The following HGS variants were observed in gnomAD, a reference collection of about 807,000 sequenced individuals.
HGS encodes the protein hepatocyte growth factor-regulated tyrosine kinase substrate.
In HGS, 63 loss-of-function variants were observed where a neutral mutation model predicts 109.7. The ratio of observed to expected loss-of-function variants is 0.57; its 90% confidence interval spans 0.47 to 0.71. The LOEUF is 0.71. Ranked by LOEUF, HGS falls within the 30% of genes least tolerant of loss-of-function variation. The probability of loss-of-function intolerance (pLI) is 0.00; values close to 1 mark genes in which losing one functional copy is unlikely to be tolerated. For synonymous variants in HGS, 546 were observed against 437.3 expected (o/e 1.25, Z -3.10); for missense variants, 995 against 1,068.3 (o/e 0.93, Z 0.96).
chr17:81,700,271 A>G (rs1482577997), intron 18 of HGS, among the ~76,000 whole-genome samples, 196 bp from the exon 19 acceptor site: 2 of 150,700 alleles, frequency 1.3e-5, no homozygotes, highest in Non-Finnish European at 3.0e-5. Flanking sequence ...CGGGAGGCTG[A>G]GGCAGGAGAA....
At chr17:81,686,556 A>G (rs1229359767) in intron 3 of HGS, among the ~76,000 whole-genome samples, 169 bp downstream of exon 3, 1 of 152,060 alleles carries the variant, frequency 6.6e-6, no homozygotes, top group Admixed American at 6.6e-5. Context: ...CACCTAGGAG[A>G]GGGTCACGCT....
intron 18 of HGS, among the ~76,000 whole-genome samples, chr17:81,699,513 C>T (rs980358193): frequency 6.6e-6 from 1 of 152,224 alleles, no homozygotes; most frequent in African/African-American, 2.4e-5. Flanking sequence ...GCATTCTCCG[C>T]CTCCCAGGTT....
rs763719282 is a variant in HGS, at chr17:81,693,931, C to T, written c.902C>T (p.Ala301Val). ...KAEPMPSASS[A>V]PPASSLYSSP... ...GAGCCCATGCCCTCGGCCTCCTCAG[C>T]GCCCCCCGCCAGCAGCCTGTACTCT... Residue 301 changes from alanine to valine, a missense_variant, in exon 11 of 22, where the codon GCG becomes GTG. Physicochemically the swap from Ala to Val is moderately conservative, Grantham distance 64. Around this residue, in one of 6 missense-constraint regions of HGS, gnomAD observed 300 missense variants for 235.4 expected, o/e 1.27. Coordinates refer to ENST00000329138, the MANE Select transcript of HGS (RefSeq NM_004712.5). 1.6e-5 allele frequency: 26 copies of T among 1,611,114 alleles called. No homozygotes were observed. The highest frequency in any genetic ancestry group is 4.0e-5 in the African/African-American group (3 of 74,904).
chr17:81,685,759 C>A, intron 2 of HGS, 70 bp downstream of exon 2: 1 of 1,186,876 alleles, frequency 8.4e-7, no homozygotes, highest in Non-Finnish European at 1.2e-6. Flanking sequence ...GCTTGGTGCC[C>A]GTTGGGTCTC....
intron 15 of HGS, 123 bp downstream of exon 15, chr17:81,696,122 C>T (rs978556006): frequency 4.1e-6 from 4 of 976,166 alleles, no homozygotes; most frequent in South Asian, 3.4e-5. Context: ...GCCGTGGCTT[C>T]CTCCAGAGAG....
chr17:81,685,003 C>T, intron 1 of HGS: 1 of 985,376 alleles, frequency 1.0e-6, no homozygotes, highest in Non-Finnish European at 1.2e-6. Context: ...GCGATGTGGG[C>T]AGAGCTGGAG....
chr17:81,686,074 G>A (rs112416031), intron 2 of HGS, among the ~76,000 whole-genome samples: 1 of 152,186 alleles, frequency 6.6e-6, no homozygotes, highest in African/African-American at 2.4e-5. Context: ...GGGACTACAG[G>A]CATTCACCAT....
intron 17 of HGS, 38 bp downstream of exon 17, chr17:81,696,785 CT>C: frequency 6.2e-7 from 1 of 1,602,122 alleles, no homozygotes. Flanking sequence ...GGCTTGTGGG[CT>C]GAGGACCAAC....
intron 18 of HGS, among the ~76,000 whole-genome samples, chr17:81,699,856 C>G (rs982618538): frequency 2.0e-5 from 3 of 151,172 alleles, no homozygotes. Context: ...GGGTGGATCA[C>G]CTGAGGTCAG....
intron 13 of HGS, 47 bp downstream of exon 13, chr17:81,695,114 G>C: frequency 6.2e-7 from 1 of 1,613,120 alleles, no homozygotes. Context: ...TCCCTTGGAA[G>C]GGGTGGATGC....
At position 81,688,780 on chromosome 17, in the gene HGS, C is replaced by T; in HGVS notation, c.368C>T (p.Pro123Leu). The T allele has an allele frequency of 6.2e-7, 1 of 1,614,146 alleles. No individual in the cohort carries two copies. Among genetic ancestry groups the T allele is most frequent in the Non-Finnish European group, 8.5e-7 (1 of 1,180,012 alleles). The part of the protein sequence containing the change: ...QAWAHAFRNE[P>L]KYKVVQDTYQ... ...TGGGCGCATGCCTTCCGGAACGAGC[C>T]CAAGTACAAGGTGGTCCAGGACACC... The change falls in exon 5 of 22, where the codon CCC becomes CTC. Residue 123 changes from proline (P) to leucine (L), a missense_variant. This residue lies in a region of HGS where 182 missense variants were observed against 261.3 expected (regional missense o/e 0.70). Coordinates refer to ENST00000329138, the MANE Select transcript of HGS (RefSeq NM_004712.5).
At chr17:81,693,622 C>T (rs768516935) in intron 9 of HGS, 32 bp from the exon 10 acceptor site, 6 of 1,527,956 alleles carry the variant, frequency 3.9e-6, no homozygotes, top group South Asian at 3.6e-5. Flanking sequence ...TCTTCCCCGG[C>T]GCCCCCCCTC....
chr17:81,697,525 G>C (rs1353863652), intron 18 of HGS: 1 of 152,566 alleles, frequency 6.6e-6, no homozygotes, highest in African/African-American at 2.4e-5. Flanking sequence ...TGGCAGCCGA[G>C]GTGACGTGCA....
At chr17:81,687,744 G>A (rs1377799995) in intron 4 of HGS, among the ~76,000 whole-genome samples, 1 of 152,220 alleles carries the variant, frequency 6.6e-6, no homozygotes, top group Non-Finnish European at 1.5e-5. Context: ...GAGAAAGAGT[G>A]TCCCATGTAG....
chr17:81,695,023 G>A lies in HGS; in HGVS notation c.1075G>A (p.Ala359Thr). 2 of 1,614,030 alleles carry A rather than the reference G, an allele frequency of 1.2e-6. No individual in the cohort carries two copies. Among genetic ancestry groups the A allele is most frequent in the Non-Finnish European group, 8.5e-7 (1 of 1,180,016 alleles). ...GCCCGTGCCCCTGACGGAGCCGGCT[G>A]CACAGCCTGGGGAAGGGCACGCAGC... ...SAPVPLTEPAAQPGEGHAAPT... is the reference protein window; with the variant it reads ...SAPVPLTEPATQPGEGHAAPT... Residue 359 changes from alanine (A) to threonine (T), a missense_variant, in exon 13 of 22, where the codon GCA becomes ACA. By Grantham distance (58) the Ala-to-Thr change is moderately conservative (BLOSUM62 0). Transcript: ENST00000329138.
At chr17:81,690,037 C>A in intron 5 of HGS, 145 bp from the exon 6 acceptor site, 1 of 750,506 alleles carries the variant, frequency 1.3e-6, no homozygotes, top group Non-Finnish European at 2.1e-6. Context: ...ATCTTGGGGG[C>A]AGGAGGCTGT....
intron 1 of HGS, 85 bp downstream of exon 1, chr17:81,684,188 A>G: frequency 1.2e-6 from 1 of 869,322 alleles, no homozygotes; most frequent in East Asian, 3.9e-5. Flanking sequence ...CGAGGGCCCG[A>G]GGGGCGCGGA....
chr17:81,684,792 G>C, intron 1 of HGS: 1 of 511,456 alleles, frequency 2.0e-6, no homozygotes, highest in Non-Finnish European at 2.5e-6. Context: ...GGCTGCCCAA[G>C]CTTGCCTTTT....
At chr17:81,685,760 G>A (rs572759955) in intron 2 of HGS, 71 bp downstream of exon 2, 21 of 1,181,062 alleles carry the variant, frequency 1.8e-5, no homozygotes, top group African/African-American at 7.5e-5. Context: ...CTTGGTGCCC[G>A]TTGGGTCTCC....
Sources: allele counts gnomAD v4.1 joint callset (sites outside exome capture counted in the v4.1 genomes callset), GRCh38; gene constraint gnomAD v4.1.1; regional missense constraint gnomAD v4.1.1; transcripts MANE v1.5; gene names NCBI Gene and HGNC (gene_info 2026-07-23, HGNC 2026-07-21).